The following LMF1 variants were observed in gnomAD, a reference collection of about 807,000 sequenced individuals.
LMF1 encodes the protein transmembrane protein 112.
A neutral mutation model predicts 60.6 loss-of-function variants in LMF1; 68 were observed. That is an observed-to-expected ratio of 1.12 (90% CI 0.92 to 1.37). The LOEUF is 1.37. Ranked by LOEUF, LMF1 falls within the 40% of genes most tolerant of loss-of-function variation. The pLI is 0.00. For missense variants in LMF1, 948 were observed against 767.2 expected, an observed-to-expected ratio of 1.24 and a Z score of -2.78; for synonymous variants, 418 against 324.7, an observed-to-expected ratio of 1.29 and a Z score of -3.09.
chr16:922,172 C>T (rs886422224), intron 3 of LMF1, among the ~76,000 whole-genome samples: 1 of 152,174 alleles, frequency 6.6e-6, no homozygotes, highest in Admixed American at 6.5e-5. Context: ...CACCCTGTCT[C>T]GCAGGCCCAG....
chr16:927,195 G>A (rs575595742), intron 3 of LMF1, among the ~76,000 whole-genome samples: 7 of 152,330 alleles, frequency 4.6e-5, no homozygotes, highest in East Asian at 1.9e-4. Context: ...GAAATGGCCC[G>A]TGGAGATGGC....
chr16:933,966 C>A (rs1460029400), intron 3 of LMF1: 1 of 1,432,128 alleles, frequency 7.0e-7, no homozygotes, highest in South Asian at 1.2e-5. Context: ...TTCCCTCTGC[C>A]CCAGGGAAGC....
chr16:963,094 C>T (rs977171466), intron 1 of LMF1, among the ~76,000 whole-genome samples: 14 of 151,708 alleles, frequency 9.2e-5, no homozygotes, highest in African/African-American at 1.9e-4. Flanking sequence ...AGACACAGGG[C>T]GGGACACAGA....
chr16:898,843 G>A (rs1472252313), intron 4 of LMF1: 1 of 152,162 alleles, frequency 6.6e-6, no homozygotes, highest in South Asian at 2.1e-4. Context: ...GCAGATTTTG[G>A]ACTTACTGTA....
At chr16:893,889 GA>G (rs1187122793) in intron 4 of LMF1, among the ~76,000 whole-genome samples, 1 of 152,104 alleles carries the variant, frequency 6.6e-6, no homozygotes, top group Non-Finnish European at 1.5e-5. Context: ...CATGGGAGGT[GA>G]AACTGCACAG....
upstream of LMF1, among the ~76,000 whole-genome samples, chr16:972,872 CAA>C (rs745751231): frequency 3.3e-5 from 5 of 152,232 alleles, no homozygotes; most frequent in Non-Finnish European, 5.9e-5. Context: ...TCTCTGAGCT[CAA>C]GTTTCCCTCA....
intron 1 of LMF1, among the ~76,000 whole-genome samples, chr16:968,053 C>T (rs2072962193): frequency 6.6e-6 from 1 of 152,220 alleles, no homozygotes; most frequent in Non-Finnish European, 1.5e-5. Flanking sequence ...ATGCCCGACA[C>T]CCCAGGACGC....
chr16:882,574 A>T (rs1334359101), intron 5 of LMF1, among the ~76,000 whole-genome samples: 1 of 152,258 alleles, frequency 6.6e-6, no homozygotes. Context: ...CACCACGTGC[A>T]GCAGAAGAGC....
At chr16:940,501 A>G (rs2072073307) in intron 2 of LMF1, among the ~76,000 whole-genome samples, 1 of 152,192 alleles carries the variant, frequency 6.6e-6, no homozygotes, top group African/African-American at 2.4e-5. Context: ...CAGCTGGGAA[A>G]CCCCAAAGAG....
intron 5 of LMF1, among the ~76,000 whole-genome samples, chr16:881,967 A>G (rs959320165): frequency 3.9e-5 from 6 of 152,242 alleles, no homozygotes; most frequent in South Asian, 4.1e-4. Flanking sequence ...TGGGATGAAG[A>G]AGGAGGTCCC....
intron 5 of LMF1, among the ~76,000 whole-genome samples, chr16:888,299 T>C (rs962453175): frequency 5.9e-5 from 9 of 152,298 alleles, no homozygotes; most frequent in African/African-American, 1.9e-4. Context: ...AGGAGCGCCG[T>C]GGGACTGAAT....
At chr16:975,752 G>A (rs1244215474), upstream of LMF1, 3 of 449,190 alleles carry the variant, frequency 6.7e-6, no homozygotes, top group African/African-American at 2.0e-5. Context: ...ATACTTGGGA[G>A]ACAGCAGAGA....
chr16:871,102 G>A (rs954864813), intron 7 of LMF1, 59 bp downstream of exon 7: 1 of 1,484,082 alleles, frequency 6.7e-7, no homozygotes. Context: ...AGGCTGTGGG[G>A]CTGGCACCAC....
intron 3 of LMF1, 125 bp downstream of exon 3, chr16:934,119 G>A (rs1189793606): frequency 3.8e-6 from 6 of 1,567,628 alleles, no homozygotes; most frequent in Non-Finnish European, 5.2e-6. Context: ...TGCCCTCCGT[G>A]CATACTGGGA....
intron 10 of LMF1, chr16:855,026 G>C: frequency 2.2e-6 from 1 of 458,388 alleles, no homozygotes; most frequent in South Asian, 2.1e-5. Context: ...GGGTGGCACT[G>C]AGCAAGCCTG....
At chr16:916,751 G>A (rs2071289687) in intron 3 of LMF1, among the ~76,000 whole-genome samples, 1 of 152,360 alleles carries the variant, frequency 6.6e-6, no homozygotes, top group South Asian at 2.1e-4. Flanking sequence ...GCTTCAGAGG[G>A]ACAAGTGCAG....
chr16:954,799 C>A, intron 1 of LMF1, 133 bp from the exon 2 acceptor site: 4 of 789,790 alleles, frequency 5.1e-6, no homozygotes, highest in Non-Finnish European at 7.9e-6. Context: ...TGGGGCCAAA[C>A]CCTAGACTCA....
intron 2 of LMF1, among the ~76,000 whole-genome samples, chr16:935,766 G>GT (rs2071924251): frequency 1.3e-5 from 2 of 152,212 alleles, no homozygotes; most frequent in African/African-American, 4.8e-5. Flanking sequence ...TACAGGGTGT[G>GT]GGACGGCCCT....
chr16:900,202 C>G (rs748010710), intron 4 of LMF1: 1 of 152,214 alleles, frequency 6.6e-6, no homozygotes, highest in Non-Finnish European at 1.5e-5. Context: ...GGAGTTTCCA[C>G]GGTGCCTGCA....
Sources: gnomAD v4.1 joint callset for allele counts (sites outside exome capture counted in the v4.1 genomes callset) on GRCh38, gnomAD v4.1.1 for gene constraint, MANE v1.5 for transcripts, NCBI Gene and HGNC (gene_info 2026-07-23, HGNC 2026-07-21) for gene names.